GPAM: variants seen among roughly 807,000 people sequenced by gnomAD.
The protein encoded by GPAM is glycerol-3-phosphate acyltransferase, mitochondrial.
A neutral mutation model predicts 105.0 loss-of-function variants in GPAM; 56 were observed. That is an observed-to-expected ratio of 0.53 (90% CI 0.43 to 0.67). The LOEUF is 0.67. Ranked by LOEUF, GPAM falls within the 30% of genes least tolerant of loss-of-function variation. The pLI, the probability that GPAM is intolerant of heterozygous loss-of-function variation, is 0.00. For synonymous variants in GPAM, 368 were observed against 354.4 expected (o/e 1.04, Z -0.43); for missense variants, 855 against 989.8 (o/e 0.86, Z 1.83).
At position 112,180,453 on chromosome 10, in the gene GPAM, A is replaced by G; in HGVS notation, c.225+20T>C. ...TATTTTATGCTGAGTATTAGGGTCA[A>G]TAAGCAGTAAGGTTCTTACCCAGCT... On this transcript the variant is annotated intron_variant, in intron 4 of 21. Coordinates refer to ENST00000348367, the MANE Select transcript of GPAM (RefSeq NM_001244949.2). 1 of 1,612,552 alleles carries G rather than the reference A, an allele frequency of 6.2e-7. No individual in the cohort carries two copies. The highest frequency in any genetic ancestry group is 2.2e-5 in the East Asian group (1 of 44,868).
At chr10:112,209,266 T>G (rs544986348) in intron 1 of GPAM, among the ~76,000 whole-genome samples, 1 of 151,578 alleles carries the variant, frequency 6.6e-6, no homozygotes, top group African/African-American at 2.4e-5. Context: ...ACGGAAGGAG[T>G]GATGGCGAAG....
chr10:112,162,158 A>G (rs2803610), intron 14 of GPAM, among the ~76,000 whole-genome samples: 1,895 of 152,322 alleles, frequency 0.012, 41 homozygotes, highest in African/African-American at 0.042. Flanking sequence ...GGTATTCACC[A>G]TATTAAAACG....
At position 112,163,851 on chromosome 10, in the gene GPAM, A is replaced by G. The variant is rs567067435; in HGVS notation, c.1308-35T>C. 27 of 949,596 alleles carry G rather than the reference A, an allele frequency of 2.8e-5. No homozygotes were observed. The Admixed American group carries it at 4.6e-4, about 16-fold the overall frequency. 58.8% of individuals were successfully genotyped at this position (949,596 alleles called of 1,614,324 possible). ...GTTTCAAAAATCAACACACAACCGC[A>G]CTCTTTTACAAGGCAAACCATGTGG... On this transcript the variant is annotated intron_variant, in intron 13 of 21. Transcript: ENST00000348367.
chr10:112,196,046 A>G (rs1231211898), intron 1 of GPAM, among the ~76,000 whole-genome samples: 1 of 152,180 alleles, frequency 6.6e-6, no homozygotes, highest in African/African-American at 2.4e-5. Context: ...GGGGTGGTCT[A>G]CACAGAACAG....
chr10:112,173,084 C>CAA lies in GPAM; in HGVS notation c.561-20_561-19dup. 7.4e-7 allele frequency: 1 copy of CAA among 1,352,734 alleles called. No individual in the cohort carries two copies. The highest frequency in any genetic ancestry group is 2.3e-5 in the East Asian group (1 of 43,622). 83.8% of individuals were successfully genotyped at this position (1,352,734 alleles called of 1,614,324 possible). ...CAGTCAGTCTGAAACAAAGTACAAA[C>CAA]AAAAAAAACAACATAAATGAACACA... On this transcript the variant is annotated intron_variant, in intron 7 of 21. Coordinates refer to ENST00000348367, the MANE Select transcript of GPAM (RefSeq NM_001244949.2).
At chr10:112,220,536 G>T in the GPAM span, among the ~76,000 whole-genome samples, 32,053 of 152,084 alleles carry the variant, frequency 0.21, 3,975 homozygotes, top group East Asian at 0.34. Context: ...TCAGAGAAGG[G>T]TGTGAGTGGC....
chr10:112,198,028 T>A (rs1564689084), intron 1 of GPAM, among the ~76,000 whole-genome samples: 1 of 152,216 alleles, frequency 6.6e-6, no homozygotes, highest in Non-Finnish European at 1.5e-5. Context: ...TTGGAATGTT[T>A]AAAGTAAACT....
At position 112,168,383 on chromosome 10, in the gene GPAM, C is replaced by T; in HGVS notation, c.1036G>A (p.Asp346Asn). 1 of 1,611,326 alleles carries T rather than the reference C, an allele frequency of 6.2e-7. No homozygotes were observed. Reference protein sequence around the residue: ...VDTLSTNVIPDILIIPVGISY... With the variant: ...VDTLSTNVIPNILIIPVGISY... ...ATTCCAACAGGTATTATCAAGATGT[C>T]TGGGATGACATTGGTAGACAGAGTA... The change falls in exon 11 of 22, where the codon GAC becomes AAC. Residue 346 changes from aspartate (D) to asparagine (N), a missense_variant. By Grantham distance (23) the Asp-to-Asn change is conservative. Coordinates refer to ENST00000348367, the MANE Select transcript of GPAM (RefSeq NM_001244949.2).
rs777208370 is a variant in GPAM, at chr10:112,155,924, A to G, written c.2251T>C (p.Tyr751His). ...NFSGPVPEPE[Y>H]LQKLHKYLIT... ...AGGTATTTGTGCAACTTTTGCAGAT[A>G]CTCAGGTTCTGGAACAGGACCACTG... is the stretch of plus-strand genomic sequence containing the variant. Residue 751 changes from tyrosine (Y) to histidine (H), a missense_variant, in exon 20 of 22, where the codon TAT becomes CAT. Transcript: ENST00000348367. The G allele has an allele frequency of 1.2e-6, 2 of 1,612,344 alleles. No homozygotes were observed. Among genetic ancestry groups the G allele is most frequent in the East Asian group, 4.5e-5 (2 of 44,866 alleles).
intron 20 of GPAM, 169 bp from the exon 21 acceptor site, chr10:112,154,856 C>A: frequency 1.5e-6 from 1 of 677,874 alleles, no homozygotes; most frequent in South Asian, 1.6e-5. Flanking sequence ...TCTCAGATGA[C>A]TTGCTGTTAA....
chr10:112,202,818 G>A (rs1326725518), intron 1 of GPAM, among the ~76,000 whole-genome samples: 1 of 152,150 alleles, frequency 6.6e-6, no homozygotes, highest in Non-Finnish European at 1.5e-5. Flanking sequence ...TATGAATCAC[G>A]GGTCTGAGCC....
intron 20 of GPAM, 32 bp downstream of exon 20, chr10:112,155,832 A>ATT: frequency 2.4e-6 from 3 of 1,269,414 alleles, no homozygotes; most frequent in Non-Finnish European, 3.4e-6. Context: ...AAAAAAAAAG[A>ATT]TTTTAAAAGA....
intron 1 of GPAM, among the ~76,000 whole-genome samples, chr10:112,190,008 A>G (rs1340587656): frequency 6.6e-6 from 1 of 152,136 alleles, no homozygotes; most frequent in East Asian, 1.9e-4. Flanking sequence ...TTTACTGCCT[A>G]CCTATACTCT....
upstream of GPAM, among the ~76,000 whole-genome samples, chr10:112,217,267 A>G (rs1847980592): frequency 6.6e-6 from 1 of 152,212 alleles, no homozygotes; most frequent in South Asian, 2.1e-4. Context: ...ATCATAGGAT[A>G]TGTGACCTTT....
At chr10:112,186,126 A>T (rs1156623757), upstream of GPAM, among the ~76,000 whole-genome samples, 1 of 152,054 alleles carries the variant, frequency 6.6e-6, no homozygotes, top group African/African-American at 2.4e-5. Flanking sequence ...AAATCTTAAA[A>T]GCTATCAGAG....
the GPAM span, among the ~76,000 whole-genome samples, chr10:112,225,764 A>G: frequency 6.6e-6 from 1 of 152,156 alleles, no homozygotes; most frequent in Admixed American, 6.5e-5. Flanking sequence ...ATCATAAAAC[A>G]TTGCAGAGCT....
upstream of GPAM, among the ~76,000 whole-genome samples, chr10:112,188,646 G>A (rs59835848): frequency 0.12 from 18,289 of 152,110 alleles, 1,163 homozygotes; most frequent in South Asian, 0.2. Context: ...TGAAAGTAAT[G>A]CACATGTACC....
chr10:112,158,167 G>T, intron 18 of GPAM, 149 bp downstream of exon 18: 1 of 717,346 alleles, frequency 1.4e-6, no homozygotes, highest in East Asian at 2.5e-5. Flanking sequence ...CTGACCTCAG[G>T]TGATCCACCC....
intron 1 of GPAM, among the ~76,000 whole-genome samples, chr10:112,196,056 G>A (rs377252632): frequency 6.6e-6 from 1 of 152,138 alleles, no homozygotes; most frequent in African/African-American, 2.4e-5. Context: ...ACACAGAACA[G>A]AATGCCACAA....
Sources: allele counts gnomAD v4.1 joint callset (sites outside exome capture counted in the v4.1 genomes callset), GRCh38; gene constraint gnomAD v4.1.1; transcripts MANE v1.5; gene names NCBI Gene and HGNC (gene_info 2026-07-23, HGNC 2026-07-21).